Variants in MITF observed in about 807,000 individuals in gnomAD.
The protein encoded by MITF is melanocyte inducing transcription factor, also known as microphthalmia-associated transcription factor.
A neutral mutation model predicts 60.5 loss-of-function variants in MITF; 17 were observed. That is an observed-to-expected ratio of 0.28 (90% CI 0.19 to 0.42). The LOEUF (loss-of-function observed/expected upper bound fraction) is 0.42. Ranked by LOEUF, MITF falls within the 10% of genes least tolerant of loss-of-function variation. MITF has a pLI of 1.00. For missense variants in MITF, 622 were observed against 683.5 expected, an observed-to-expected ratio of 0.91 and a Z score of 1.00; for synonymous variants, 260 against 248.5, an observed-to-expected ratio of 1.05 and a Z score of -0.43.
chr3:69,906,459 A>G (rs2065102035), intron 2 of MITF, among the ~76,000 whole-genome samples: 1 of 152,190 alleles, frequency 6.6e-6, no homozygotes, highest in Non-Finnish European at 1.5e-5. Flanking sequence ...GATGTCAATC[A>G]TTGGAGGTAA....
intron 1 of MITF, among the ~76,000 whole-genome samples, chr3:69,777,175 A>G (rs537312126): frequency 1.3e-5 from 2 of 152,330 alleles, no homozygotes; most frequent in Admixed American, 6.5e-5. Flanking sequence ...AAAATTTCCA[A>G]AATAAAAAAA....
At chr3:69,890,394 A>G (rs2064733032) in intron 2 of MITF, among the ~76,000 whole-genome samples, 1 of 152,132 alleles carries the variant, frequency 6.6e-6, no homozygotes, top group African/African-American at 2.4e-5. Context: ...TCACACTTAC[A>G]TAGCACCTGT....
chr3:69,887,614 G>A (rs1241708537), intron 2 of MITF, among the ~76,000 whole-genome samples: 1 of 152,022 alleles, frequency 6.6e-6, no homozygotes, highest in Admixed American at 6.6e-5. Context: ...TGGAGCATAT[G>A]AATCAGGTAA....
At chr3:69,757,803 T>G (rs2062148488) in intron 1 of MITF, among the ~76,000 whole-genome samples, 2 of 151,888 alleles carry the variant, frequency 1.3e-5, no homozygotes, top group South Asian at 2.1e-4. Context: ...TTCATTGCCT[T>G]GTAGTATAAA....
chr3:69,879,943 CT>C (rs2064447449), intron 2 of MITF, among the ~76,000 whole-genome samples: 1 of 152,100 alleles, frequency 6.6e-6, no homozygotes, highest in Non-Finnish European at 1.5e-5. Context: ...ACTGCAGGAG[CT>C]TGTTAGCATC....
chr3:69,767,536 G>A (rs926971180), intron 1 of MITF, among the ~76,000 whole-genome samples: 1 of 152,096 alleles, frequency 6.6e-6, no homozygotes, highest in African/African-American at 2.4e-5. Context: ...AGTCAGCCGA[G>A]ATTGCGCCAC....
intron 2 of MITF, among the ~76,000 whole-genome samples, chr3:69,926,530 A>T (rs1466827972): frequency 6.6e-6 from 1 of 152,134 alleles, no homozygotes; most frequent in East Asian, 1.9e-4. Context: ...CTAATACCCG[A>T]TAAACTGCAA....
At chr3:69,761,226 G>A (rs2062207970) in intron 1 of MITF, among the ~76,000 whole-genome samples, 1 of 152,022 alleles carries the variant, frequency 6.6e-6, no homozygotes. Context: ...AGAAACATCA[G>A]GAATTAATAA....
chr3:69,957,078 T>A (rs2066417586), intron 8 of MITF, among the ~76,000 whole-genome samples: 1 of 152,208 alleles, frequency 6.6e-6, no homozygotes, highest in East Asian at 1.9e-4. Flanking sequence ...TAAGTACAGG[T>A]CAGCTAATTT....
chr3:69,866,291 A>T, intron 1 of MITF: 1 of 1,613,726 alleles, frequency 6.2e-7, no homozygotes, highest in Non-Finnish European at 8.5e-7. Context: ...AGGAAAAAAG[A>T]TGGAGGCGCT....
chr3:69,796,025 A>G (rs927968702), intron 1 of MITF, among the ~76,000 whole-genome samples: 1 of 152,184 alleles, frequency 6.6e-6, no homozygotes, highest in African/African-American at 2.4e-5. Flanking sequence ...TCAGTCGCCC[A>G]GGCTGGAGAG....
intron 2 of MITF, among the ~76,000 whole-genome samples, chr3:69,904,157 G>C (rs2065050450): frequency 6.6e-6 from 1 of 151,700 alleles, no homozygotes; most frequent in Non-Finnish European, 1.5e-5. Context: ...GCACTCTCTG[G>C]GATTTCCATT....
chr3:69,790,877 A>G (rs1393171469), intron 1 of MITF, among the ~76,000 whole-genome samples: 3 of 152,226 alleles, frequency 2.0e-5, no homozygotes, highest in Non-Finnish European at 4.4e-5. Context: ...TCGTGCAGAT[A>G]TACTAACTTC....
At chr3:69,832,909 A>G (rs971759925) in intron 1 of MITF, among the ~76,000 whole-genome samples, 13 of 151,436 alleles carry the variant, frequency 8.6e-5, no homozygotes, top group African/African-American at 3.2e-4. Flanking sequence ...TTGCTTAGTT[A>G]CACTGTATGT....
In MITF at chr3:69,935,998, A is replaced by G. The variant is rs78701714; in HGVS notation, c.355-1824A>G. Among the ~76,000 whole-genome samples the G allele has an allele frequency of 1.7e-3, 256 of 152,294 alleles. 1 individual carries two copies. Among genetic ancestry groups the G allele is most frequent in the Admixed American group, 3.3e-3 (51 of 15,292 alleles). ...GGGAGATATTTATTTCTTATTATCC[A>G]CATAAATATATATCCACTTCTGTGT... On this transcript the variant is annotated intron_variant, in intron 2 of 9. Transcript: ENST00000352241.
intron 1 of MITF, among the ~76,000 whole-genome samples, chr3:69,808,735 C>T (rs1312077652): frequency 6.6e-6 from 1 of 152,058 alleles, no homozygotes; most frequent in Non-Finnish European, 1.5e-5. Flanking sequence ...CATGCAGGAC[C>T]TTGACCTCCC....
chr3:69,839,058 C>T (rs1234554219), intron 1 of MITF, among the ~76,000 whole-genome samples: 1 of 152,098 alleles, frequency 6.6e-6, no homozygotes, highest in Non-Finnish European at 1.5e-5. Context: ...TGCTTTATGA[C>T]ATGGAATAAT....
chr3:69,933,703 T>C (rs1326316121), intron 2 of MITF, among the ~76,000 whole-genome samples: 1 of 152,202 alleles, frequency 6.6e-6, no homozygotes, highest in Admixed American at 6.5e-5. Flanking sequence ...ATACTTCAGG[T>C]GTTCAGCAGT....
At chr3:69,840,990 AAGGG>A (rs1377054062) in intron 1 of MITF, among the ~76,000 whole-genome samples, 12 of 152,102 alleles carry the variant, frequency 7.9e-5, no homozygotes, top group Admixed American at 7.9e-4. Context: ...TCCTGGCCTC[AAGGG>A]ACCCACCCAC....
Sources: allele counts gnomAD v4.1 joint callset (sites outside exome capture counted in the v4.1 genomes callset), GRCh38; gene constraint gnomAD v4.1.1; transcripts MANE v1.5; gene names NCBI Gene and HGNC (gene_info 2026-07-23, HGNC 2026-07-21).